The following SRBD1 variants were observed in gnomAD, a reference collection of about 807,000 sequenced individuals.
The protein encoded by SRBD1 is S1 RNA-binding domain-containing protein 1.
A neutral mutation model predicts 115.3 loss-of-function variants in SRBD1; 88 were observed. That is an observed-to-expected ratio of 0.76 (90% CI 0.64 to 0.91). SRBD1 has a LOEUF of 0.91. SRBD1 is among the 40% of genes least tolerant of loss of function. SRBD1 has a pLI of 0.00. For missense variants in SRBD1, 1,385 were observed against 1,177.4 expected (o/e 1.18, Z -2.58); for synonymous variants, 509 against 407.7 (o/e 1.25, Z -2.99).
chr2:45,550,003 T>C (rs913805707), intron 12 of SRBD1, among the ~76,000 whole-genome samples: 6 of 151,902 alleles, frequency 3.9e-5, no homozygotes, highest in African/African-American at 4.8e-5. Flanking sequence ...AAAATTAAAA[T>C]AGTAAAGGCT....
chr2:45,564,686 A>G (rs916468417), intron 9 of SRBD1, among the ~76,000 whole-genome samples: 4 of 152,246 alleles, frequency 2.6e-5, no homozygotes, highest in African/African-American at 9.6e-5. Context: ...TTTAACAAAA[A>G]AAGTTCACAA....
At chr2:45,598,564 C>G (rs995399572) in intron 4 of SRBD1, among the ~76,000 whole-genome samples, 7 of 150,760 alleles carry the variant, frequency 4.6e-5, no homozygotes, top group Admixed American at 3.3e-4. Context: ...CAGTGAGCAC[C>G]ACTGCATTCT....
chr2:45,609,851 G>C (rs983830447), intron 1 of SRBD1, among the ~76,000 whole-genome samples: 21 of 152,154 alleles, frequency 1.4e-4, no homozygotes, highest in Admixed American at 1.2e-3. Flanking sequence ...TTTATTGCTT[G>C]CACTGCTGTC....
At position 45,418,370 on chromosome 2, in the gene SRBD1, A is replaced by T; in HGVS notation, c.2328T>A (p.Phe776Leu). ...IRINQDYIRTFCSQQTETSGQ... is the reference protein window; with the variant it reads ...IRINQDYIRTLCSQQTETSGQ... ...AAGTGTATACTTATACTCACCTGCAAAACGTTCGGATATAATCCTGGTTGA... is the reference window on the plus strand; with the variant it reads ...AAGTGTATACTTATACTCACCTGCATAACGTTCGGATATAATCCTGGTTGA... The change falls in exon 18 of 21, where the codon TTT becomes TTA. Residue 776 changes from phenylalanine to leucine, a missense_variant. Phe to Leu is a conservative substitution (Grantham distance 22). Transcript: ENST00000263736. 2 of 1,613,482 alleles carry T rather than the reference A, an allele frequency of 1.2e-6. No individual in the cohort carries two copies. The highest frequency in any genetic ancestry group is 1.7e-6 in the Non-Finnish European group (2 of 1,179,762).
chr2:45,510,176 T>C (rs1670924427), intron 14 of SRBD1, among the ~76,000 whole-genome samples: 1 of 152,242 alleles, frequency 6.6e-6, no homozygotes, highest in Admixed American at 6.5e-5. Context: ...ACTCTACTTG[T>C]TTAAAGCTTT....
intron 4 of SRBD1, among the ~76,000 whole-genome samples, chr2:45,586,012 C>T (rs911504572): frequency 6.6e-6 from 1 of 152,062 alleles, no homozygotes. Flanking sequence ...ATTCAAATTC[C>T]AGTGTTCAAT....
chr2:45,492,575 A>T (rs1453125876), intron 14 of SRBD1, among the ~76,000 whole-genome samples: 1 of 152,138 alleles, frequency 6.6e-6, no homozygotes, highest in Non-Finnish European at 1.5e-5. Flanking sequence ...AGTAGCTGGG[A>T]CTACAGGCGC....
chr2:45,481,302 T>C (rs922754756), intron 15 of SRBD1, among the ~76,000 whole-genome samples: 1 of 152,160 alleles, frequency 6.6e-6, no homozygotes, highest in Non-Finnish European at 1.5e-5. Flanking sequence ...TAATCAAGAA[T>C]GCGTTATTTA....
intron 14 of SRBD1, among the ~76,000 whole-genome samples, chr2:45,534,537 C>G (rs1671709138): frequency 6.6e-6 from 1 of 151,914 alleles, no homozygotes; most frequent in Non-Finnish European, 1.5e-5. Flanking sequence ...GCATGATAAT[C>G]TGGATATTAG....
chr2:45,536,815 A>G (rs1022262689), intron 14 of SRBD1, among the ~76,000 whole-genome samples: 1 of 152,132 alleles, frequency 6.6e-6, no homozygotes, highest in Non-Finnish European at 1.5e-5. Context: ...AAAGCTTTCT[A>G]ACTTCTCAGT....
At chr2:45,502,031 G>T (rs1670647934) in intron 14 of SRBD1, among the ~76,000 whole-genome samples, 1 of 152,160 alleles carries the variant, frequency 6.6e-6, no homozygotes, top group African/African-American at 2.4e-5. Flanking sequence ...TAACTGGGAG[G>T]CACCCCCCAG....
At position 45,599,795 on chromosome 2, in the gene SRBD1, C is replaced by T; in HGVS notation, c.302G>A (p.Arg101Lys). The T allele has an allele frequency of 6.2e-7, 1 of 1,613,822 alleles. No homozygotes were observed. The highest frequency in any genetic ancestry group is 8.5e-7 in the Non-Finnish European group (1 of 1,179,970). Residue 101 changes from arginine to lysine, a missense_variant, in exon 4 of 21, where the codon AGA becomes AAA. Transcript: ENST00000263736. ...CTGTACAGTATCCAATTTATTTTTT[C>T]TGTCTTCTAAAGCAGTATCAGCAAT... is the stretch of plus-strand genomic sequence containing the variant. ...VAIADTALEDRKNKLDTVQTL... is the reference protein window; with the variant it reads ...VAIADTALEDKKNKLDTVQTL...
chr2:45,469,528 T>C (rs1327597145), intron 16 of SRBD1, among the ~76,000 whole-genome samples: 3 of 152,206 alleles, frequency 2.0e-5, no homozygotes, highest in African/African-American at 4.8e-5. Flanking sequence ...TAAAGATAAG[T>C]AATGGTGTTA....
chr2:45,458,442 T>C (rs944174184), intron 16 of SRBD1, among the ~76,000 whole-genome samples: 1 of 152,104 alleles, frequency 6.6e-6, no homozygotes, highest in African/African-American at 2.4e-5. Flanking sequence ...ATTAAGTCTC[T>C]TTAGAGTAGG....
rs1238795488 is a variant in SRBD1 at position 45,519,162 on chromosome 2, A to C, written c.1874+27570T>G. ...CAAAGGTTAAACAAGATAGCTCCTG[A>C]AGGAGGGCACTAAAAAAGAAAACAA... On this transcript the variant is annotated intron_variant, in intron 14 of 20. Coordinates refer to ENST00000263736, the MANE Select transcript of SRBD1 (RefSeq NM_018079.5). Among the ~76,000 whole-genome samples, 8 of 152,272 alleles carry C rather than the reference A, an allele frequency of 5.3e-5. No homozygotes were observed. The East Asian group carries it at 1.4e-3, about 26-fold the overall frequency.
Position 45,551,239 on chromosome 2 carries a change from A to C in SRBD1, c.1561T>G (p.Phe521Val). ...AGGAGCTGACGAAGGTTCCGTCCAA[A>C]CATCATTACTGATTCCTTCTCTGCA... Reference protein sequence around the residue: ...SDAEKESVMMFGRNLRQLLLT... With the variant: ...SDAEKESVMMVGRNLRQLLLT... Residue 521 changes from phenylalanine (F) to valine (V), a missense_variant, in exon 12 of 21, where the codon TTT becomes GTT. Transcript: ENST00000263736. The C allele has an allele frequency of 1.2e-6, 2 of 1,610,708 alleles. No homozygotes were observed. Among genetic ancestry groups the C allele is most frequent in the Non-Finnish European group, 1.7e-6 (2 of 1,179,398 alleles).
chr2:45,485,180 C>CTA (rs374662122), intron 15 of SRBD1, among the ~76,000 whole-genome samples: 19 of 152,110 alleles, frequency 1.2e-4, no homozygotes, highest in African/African-American at 3.9e-4. Flanking sequence ...CATTTTCAAC[C>CTA]TAGCCTCAAC....
chr2:45,408,123 C>T (rs1209784363), intron 19 of SRBD1, among the ~76,000 whole-genome samples: 1 of 152,076 alleles, frequency 6.6e-6, no homozygotes, highest in Admixed American at 6.5e-5. Context: ...ATGAAATGTA[C>T]TGCAACAAAA....
intron 16 of SRBD1, among the ~76,000 whole-genome samples, chr2:45,454,293 C>T (rs192583901): frequency 6.6e-5 from 10 of 151,908 alleles, no homozygotes; most frequent in Middle Eastern, 3.4e-3. Flanking sequence ...CTTTGAAAGA[C>T]CTGGGAGAGT....
Sources: allele counts gnomAD v4.1 joint callset (sites outside exome capture counted in the v4.1 genomes callset), GRCh38; gene constraint gnomAD v4.1.1; transcripts MANE v1.5; gene names NCBI Gene and HGNC (gene_info 2026-07-23, HGNC 2026-07-21).